The following TNRC6C variants were observed in gnomAD, a reference collection of about 807,000 sequenced individuals.
TNRC6C encodes the protein trinucleotide repeat-containing gene 6C protein.
In TNRC6C, 20 loss-of-function variants were observed where a neutral mutation model predicts 153.7. The ratio of observed to expected loss-of-function variants is 0.13; its 90% CI spans 0.09 to 0.19. The LOEUF (loss-of-function observed/expected upper bound fraction) is 0.19. TNRC6C is among the 10% of genes least tolerant of loss of function. The pLI, the probability that TNRC6C is intolerant of heterozygous loss-of-function variation, is 1.00. For synonymous variants in TNRC6C, 811 were observed against 841.4 expected (o/e 0.96, Z 0.63); for missense variants, 1,987 against 2,172.0 (o/e 0.91, Z 1.69).
At chr17:78,003,795 G>A (rs2071450521), upstream of TNRC6C, among the ~76,000 whole-genome samples, 1 of 152,224 alleles carries the variant, frequency 6.6e-6, no homozygotes, top group African/African-American at 2.4e-5. Context: ...CAGGCTTGGT[G>A]CGTCACACTG....
chr17:77,960,067 G>A (rs2070849183), intron 1 of TNRC6C, among the ~76,000 whole-genome samples: 1 of 152,170 alleles, frequency 6.6e-6, no homozygotes, highest in Admixed American at 6.5e-5. Flanking sequence ...CGGGAGGTAG[G>A]GGAGGAGGAG....
chr17:78,098,270 G>T, intron 16 of TNRC6C, 73 bp from the exon 20 acceptor site: 3 of 1,411,074 alleles, frequency 2.1e-6, no homozygotes, highest in Non-Finnish European at 2.9e-6. Flanking sequence ...ACTCTGTGTG[G>T]CTCCCCAAAC....
intron 1 of TNRC6C, among the ~76,000 whole-genome samples, chr17:77,967,399 T>C (rs780920055): frequency 7.3e-5 from 11 of 149,800 alleles, no homozygotes; most frequent in Non-Finnish European, 1.3e-4. Flanking sequence ...CCACAAGTCA[T>C]GCGGGGGGGG....
At chr17:78,001,016 C>T (rs373628110), upstream of TNRC6C, among the ~76,000 whole-genome samples, 8 of 152,254 alleles carry the variant, frequency 5.3e-5, no homozygotes, top group East Asian at 1.5e-3. Context: ...TACAGTTTAA[C>T]TAGGAACACC....
At chr17:78,024,494 G>A (rs1356142236) in intron 1 of TNRC6C, among the ~76,000 whole-genome samples, 1 of 151,792 alleles carries the variant, frequency 6.6e-6, no homozygotes, top group Non-Finnish European at 1.5e-5. Context: ...AGTCCCCCAA[G>A]TAGCTGGGAC....
intron 3 of TNRC6C, among the ~76,000 whole-genome samples, chr17:78,058,811 G>A (rs2072708858): frequency 1.3e-5 from 2 of 152,110 alleles, no homozygotes; most frequent in South Asian, 2.1e-4. Context: ...CCTACAAGTC[G>A]GCAAAGGCTC....
chr17:78,051,933 C>G (rs2072545588), intron 3 of TNRC6C, among the ~76,000 whole-genome samples: 2 of 152,264 alleles, frequency 1.3e-5, no homozygotes, highest in East Asian at 3.9e-4. Flanking sequence ...GTCCCAGATA[C>G]GGAAGACCAG....
chr17:78,090,879 A>G (rs75465097), intron 13 of TNRC6C, among the ~76,000 whole-genome samples: 13,797 of 152,274 alleles, frequency 0.091, 720 homozygotes, highest in East Asian at 0.19. Flanking sequence ...GAATTATCCT[A>G]TCAGTCTGTT....
chr17:78,040,941 C>T (rs1598722945), intron 2 of TNRC6C: 2 of 152,238 alleles, frequency 1.3e-5, no homozygotes, highest in East Asian at 1.9e-4. Context: ...GTGGCCCGGA[C>T]GCAGACTGGC....
rs1205428426 is a variant in TNRC6C at position 77,985,064 on chromosome 17, C to T, written c.-37-19106C>T. Among the ~76,000 whole-genome samples the T allele has an allele frequency of 2.6e-5, 4 of 152,146 alleles. No individual in the cohort carries two copies. The East Asian group carries it at 5.8e-4, about 22-fold the overall frequency. ...AACAACATTACTATTTAATCTTTAA[C>T]GTTGCTGTCTAAAGCTACGCCAGTT... is the stretch of plus-strand genomic sequence containing the variant. On this transcript the variant is annotated intron_variant, in intron 1 of 22. Transcript: ENST00000636222.
intron 1 of TNRC6C, among the ~76,000 whole-genome samples, chr17:77,966,829 G>A (rs991777524): frequency 1.3e-5 from 2 of 152,114 alleles, no homozygotes; most frequent in African/African-American, 4.8e-5. Context: ...TTATATAACA[G>A]TCCCAGGTAT....
chr17:77,980,501 T>C (rs976241117), intron 1 of TNRC6C, among the ~76,000 whole-genome samples: 8 of 152,228 alleles, frequency 5.3e-5, no homozygotes, highest in African/African-American at 1.7e-4. Flanking sequence ...AGAAGACTTC[T>C]GTGAGCAAAT....
chr17:78,024,360 TTTTG>T (rs1047330625), intron 1 of TNRC6C, among the ~76,000 whole-genome samples: 3 of 152,032 alleles, frequency 2.0e-5, no homozygotes, highest in African/African-American at 7.2e-5. Flanking sequence ...TTTTTGGTTT[TTTTG>T]TTTGTTTGTT....
At chr17:78,057,237 A>G in intron 3 of TNRC6C, among the ~76,000 whole-genome samples, 1 of 152,226 alleles carries the variant, frequency 6.6e-6, no homozygotes, top group South Asian at 2.1e-4. Context: ...TAAAGTGGCT[A>G]CACTGAGTAT....
intron 2 of TNRC6C, among the ~76,000 whole-genome samples, chr17:78,043,852 A>G (rs954367194): frequency 6.6e-6 from 1 of 152,216 alleles, no homozygotes; most frequent in Non-Finnish European, 1.5e-5. Flanking sequence ...TTTAATTAAC[A>G]TAGTGACCTC....
intron 1 of TNRC6C, among the ~76,000 whole-genome samples, chr17:78,024,129 A>C (rs1415017505): frequency 1.3e-5 from 2 of 152,172 alleles, no homozygotes; most frequent in East Asian, 3.9e-4. Context: ...AAACCTTTTG[A>C]GGCAGATACA....
At chr17:78,106,934 TTTATAG>T (rs2144701012) in exon 20 of TNRC6C, 1 of 151,676 alleles carries the variant, frequency 6.6e-6, no homozygotes, top group South Asian at 2.1e-4. Context: ...AAAAGCTGGT[TTTATAG>T]AGGATCATGA....
rs1380252035 is a variant in TNRC6C at position 78,049,306 on chromosome 17, A to G, written c.244A>G (p.Arg82Gly). Residue 82 changes from arginine (R) to glycine (G), a missense_variant, in exon 3 of 20, where the codon AGA (arginine) becomes GGA (glycine). Transcript: ENST00000301624. The surrounding 1 kb of genome is among the most constrained non-coding windows in gnomAD (Gnocchi z 4.1). Reference sequence around the variant, plus strand: ...AATGGACACTATGATTGGAGATGGGAGAAGTCAGAATTGCTGGGGTGCTTC... The same window carrying G: ...AATGGACACTATGATTGGAGATGGGGGAAGTCAGAATTGCTGGGGTGCTTC... 1 of 1,613,946 alleles carries G rather than the reference A, an allele frequency of 6.2e-7. No homozygotes were observed. The highest frequency in any genetic ancestry group is 1.3e-5 in the African/African-American group (1 of 75,058).
At chr17:78,017,813 C>T (rs1410194611) in intron 1 of TNRC6C, among the ~76,000 whole-genome samples, 2 of 152,238 alleles carry the variant, frequency 1.3e-5, no homozygotes, top group Non-Finnish European at 2.9e-5. Flanking sequence ...AGGGCCTTCC[C>T]ATGCACTGTC....
Sources: allele counts gnomAD v4.1 joint callset (sites outside exome capture counted in the v4.1 genomes callset), GRCh38; gene constraint gnomAD v4.1.1; non-coding constraint Gnocchi (gnomAD v3.1); transcripts MANE v1.5; gene names NCBI Gene and HGNC (gene_info 2026-07-23, HGNC 2026-07-21).